Variants in CHD9 observed in about 807,000 individuals in gnomAD.
CHD9 encodes chromodomain helicase DNA binding protein 9, also known as ATP-dependent chromatin remodeler CHD9.
A neutral mutation model predicts 316.1 loss-of-function variants in CHD9; 77 were observed. That is an observed-to-expected ratio of 0.24 (90% confidence interval 0.20 to 0.29). The LOEUF is 0.29. CHD9 is among the 10% of genes least tolerant of loss of function. The pLI, the probability that CHD9 is intolerant of heterozygous loss-of-function variation, is 1.00. For missense variants in CHD9, 2,763 were observed against 3,438.1 expected (o/e 0.80, Z 4.91); for synonymous variants, 1,129 against 1,158.3 (o/e 0.97, Z 0.51).
At chr16:53,199,755 TC>T (rs1273780945) in intron 2 of CHD9, among the ~76,000 whole-genome samples, 1 of 152,206 alleles carries the variant, frequency 6.6e-6, no homozygotes, top group East Asian at 1.9e-4. Context: ...CTCAGCTACT[TC>T]CATCTTGACC....
chr16:53,233,332 A>G (rs2048340621), intron 10 of CHD9, among the ~76,000 whole-genome samples: 1 of 152,228 alleles, frequency 6.6e-6, no homozygotes, highest in Admixed American at 6.5e-5. Context: ...GGATACAAAC[A>G]AACAGCCAGA....
rs1469556412 is a variant in CHD9 at position 53,255,786 on chromosome 16, G to A, written c.4209+7G>A. On this transcript the variant is annotated splice_region_variant and intron_variant, in intron 19 of 38. Transcript: ENST00000447540. ...TGGGTCAACATTTGCCAAGGTAATAGTGGGTGCAATTTTATTAACATAGCA... is the reference window on the plus strand; with the variant it reads ...TGGGTCAACATTTGCCAAGGTAATAATGGGTGCAATTTTATTAACATAGCA... The A allele has an allele frequency of 1.2e-6, 2 of 1,612,358 alleles. No individual in the cohort carries two copies. The highest frequency in any genetic ancestry group is 1.7e-6 in the Non-Finnish European group (2 of 1,178,722).
chr16:53,253,905 A>T (rs754694948), intron 17 of CHD9, among the ~76,000 whole-genome samples: 4 of 152,226 alleles, frequency 2.6e-5, no homozygotes, highest in Non-Finnish European at 5.9e-5. Context: ...GGCAAGGCGC[A>T]GTGGCTCATG....
At chr16:53,172,447 C>A (rs562358070) in intron 2 of CHD9, among the ~76,000 whole-genome samples, 2 of 152,034 alleles carry the variant, frequency 1.3e-5, no homozygotes, top group Non-Finnish European at 1.5e-5. Context: ...TATGATTTCC[C>A]GTTTGGGGTT....
intron 3 of CHD9, among the ~76,000 whole-genome samples, chr16:53,212,602 C>T (rs768612037): frequency 1.2e-4 from 18 of 152,108 alleles, no homozygotes; most frequent in Non-Finnish European, 2.4e-4. Context: ...TACAGATTAA[C>T]TTTTTTTCCA....
intron 1 of CHD9, among the ~76,000 whole-genome samples, chr16:53,112,712 T>C (rs777482485): frequency 1.9e-4 from 29 of 152,166 alleles, no homozygotes; most frequent in Non-Finnish European, 2.8e-4. Flanking sequence ...ATGAATATTA[T>C]CTATAAGAAA....
intron 2 of CHD9, among the ~76,000 whole-genome samples, chr16:53,183,722 T>C (rs2043729087): frequency 6.6e-6 from 1 of 152,178 alleles, no homozygotes; most frequent in African/African-American, 2.4e-5. Context: ...GAGACCAGCC[T>C]AGGCAACATA....
chr16:53,235,506 A>G (rs988258849), intron 11 of CHD9, among the ~76,000 whole-genome samples, 200 bp downstream of exon 11: 3 of 152,140 alleles, frequency 2.0e-5, no homozygotes, highest in Admixed American at 6.6e-5. Flanking sequence ...ACCAATCAGA[A>G]TAGAAGAAAG....
At chr16:53,151,438 T>C (rs773580510) in intron 1 of CHD9, among the ~76,000 whole-genome samples, 20 of 151,866 alleles carry the variant, frequency 1.3e-4, no homozygotes, top group Non-Finnish European at 2.9e-4. Context: ...ATTTTTTTAG[T>C]AGAGATGGGG....
intron 16 of CHD9, 148 bp downstream of exon 16, chr16:53,247,651 G>T: frequency 1.5e-6 from 1 of 645,386 alleles, no homozygotes; most frequent in Non-Finnish European, 2.6e-6. Flanking sequence ...GATTGTTTAG[G>T]ATTATGTGTT....
chr16:53,307,989 G>A (rs967001581), intron 33 of CHD9, 36 bp downstream of exon 33: 6 of 1,536,260 alleles, frequency 3.9e-6, no homozygotes, highest in Middle Eastern at 3.4e-4. Context: ...GCCTGATTGC[G>A]ATTGCGGTGT....
intron 3 of CHD9, among the ~76,000 whole-genome samples, chr16:53,217,734 A>ATC (rs779676943): frequency 2.0e-5 from 3 of 151,934 alleles, no homozygotes; most frequent in South Asian, 2.1e-4. Context: ...TATTTCTAAA[A>ATC]TCTCTCTCTC....
chr16:53,248,335 C>CA (rs11321027), intron 16 of CHD9, among the ~76,000 whole-genome samples: 212 of 116,282 alleles, frequency 1.8e-3, no homozygotes, highest in Admixed American at 2.7e-3. Flanking sequence ...AACTCTGTCT[C>CA]AAAAAAAAAA....
intron 2 of CHD9, among the ~76,000 whole-genome samples, chr16:53,201,332 T>C (rs2045436626): frequency 1.3e-5 from 2 of 152,244 alleles, no homozygotes; most frequent in Non-Finnish European, 2.9e-5. Flanking sequence ...TTTTAGATCA[T>C]GTATGACCTT....
intron 3 of CHD9, among the ~76,000 whole-genome samples, chr16:53,221,373 T>C (rs983517053): frequency 6.6e-6 from 1 of 152,202 alleles, no homozygotes; most frequent in Non-Finnish European, 1.5e-5. Context: ...GCTCTTAACC[T>C]CCAAATTCTC....
chr16:53,247,577 A>AGT, intron 16 of CHD9, 74 bp downstream of exon 16: 1 of 1,012,514 alleles, frequency 9.9e-7, no homozygotes, highest in Non-Finnish European at 1.5e-6. Flanking sequence ...TGTAATGTAA[A>AGT]TGAACTTTAC....
intron 37 of CHD9, chr16:53,319,867 AAC>A: frequency 1.6e-6 from 2 of 1,238,216 alleles, no homozygotes; most frequent in Non-Finnish European, 2.1e-6. Context: ...AATCCCCATA[AAC>A]CCCCAAGAGG....
chr16:53,237,375 A>G (rs569907137), intron 11 of CHD9, among the ~76,000 whole-genome samples: 53 of 152,238 alleles, frequency 3.5e-4, no homozygotes, highest in African/African-American at 1.2e-3. Context: ...TCAACCTCTA[A>G]TATCCACAAT....
chr16:53,295,247 C>T (rs1387777601), intron 29 of CHD9, among the ~76,000 whole-genome samples: 2 of 152,206 alleles, frequency 1.3e-5, no homozygotes, highest in African/African-American at 2.4e-5. Flanking sequence ...CTGCCTTGGC[C>T]TCCTGAGTGG....
Sources: gnomAD v4.1 joint callset for allele counts (sites outside exome capture counted in the v4.1 genomes callset) on GRCh38, gnomAD v4.1.1 for gene constraint, MANE v1.5 for transcripts, NCBI Gene and HGNC (gene_info 2026-07-23, HGNC 2026-07-21) for gene names.